Variants in SH3RF1 observed in about 807,000 individuals in gnomAD.
SH3RF1 encodes SH3 domain containing ring finger 1, also known as E3 ubiquitin-protein ligase SH3RF1.
In SH3RF1, 32 loss-of-function variants were observed where a neutral mutation model predicts 74.0. That is an observed-to-expected ratio of 0.43 (90% CI 0.33 to 0.58). The LOEUF (loss-of-function observed/expected upper bound fraction) is 0.58, where lower values mean the gene tolerates loss of function less well. Among genes scored for constraint, SH3RF1 ranks in the 20% least tolerant of loss-of-function variants. The pLI is 0.05. For missense variants in SH3RF1, 954 were observed against 1,130.9 expected (o/e 0.84, Z 2.24); for synonymous variants, 396 against 439.6 (o/e 0.90, Z 1.24).
chr4:169,111,920 C>T (rs1459780793), intron 10 of SH3RF1, among the ~76,000 whole-genome samples: 3 of 152,180 alleles, frequency 2.0e-5, no homozygotes, highest in Admixed American at 6.5e-5. Context: ...GTCTAGAGAT[C>T]CCTGAGACTT....
intron 2 of SH3RF1, among the ~76,000 whole-genome samples, chr4:169,199,945 T>G (rs928639912): frequency 6.6e-6 from 1 of 151,908 alleles, no homozygotes; most frequent in African/African-American, 2.4e-5. Context: ...GAGGCACACC[T>G]AAAACATAAA....
At chr4:169,208,774 G>C (rs996073650) in intron 2 of SH3RF1, among the ~76,000 whole-genome samples, 2 of 152,042 alleles carry the variant, frequency 1.3e-5, no homozygotes, top group African/African-American at 4.8e-5. Flanking sequence ...CCAGCTCCTG[G>C]AAAGCTACCC....
intron 2 of SH3RF1, among the ~76,000 whole-genome samples, chr4:169,188,023 C>T (rs1426044569): frequency 2.0e-5 from 3 of 151,852 alleles, no homozygotes; most frequent in Admixed American, 2.0e-4. Flanking sequence ...CAGGCACAAG[C>T]CTAGGAATGC....
At chr4:169,117,390 A>C (rs776721822) in intron 9 of SH3RF1, 133 bp downstream of exon 9, 52 of 1,322,272 alleles carry the variant, frequency 3.9e-5, no homozygotes, top group Non-Finnish European at 5.2e-5. Flanking sequence ...ACAAGGTGCC[A>C]CTGAGTAGAC....
At chr4:169,221,593 C>T (rs760416618) in intron 2 of SH3RF1, among the ~76,000 whole-genome samples, 2 of 152,072 alleles carry the variant, frequency 1.3e-5, no homozygotes, top group East Asian at 1.9e-4. Context: ...TAGGCTAAAA[C>T]GTTCTTTATG....
chr4:169,259,660 G>A (rs1731245801), intron 2 of SH3RF1, among the ~76,000 whole-genome samples: 1 of 152,122 alleles, frequency 6.6e-6, no homozygotes, highest in South Asian at 2.1e-4. Context: ...TATAATAAAA[G>A]CTTTGGGAGG....
intron 2 of SH3RF1, among the ~76,000 whole-genome samples, chr4:169,260,197 C>T (rs1050078011): frequency 1.6e-4 from 24 of 152,116 alleles, no homozygotes; most frequent in African/African-American, 5.6e-4. Flanking sequence ...GACATACTGC[C>T]CCTACTCACA....
chr4:169,116,226 G>C, intron 10 of SH3RF1, 43 bp downstream of exon 10: 1 of 1,542,004 alleles, frequency 6.5e-7, no homozygotes, highest in Non-Finnish European at 8.7e-7. Flanking sequence ...GAAAAACAGG[G>C]AAGTAAGTAA....
rs1047145769 is a variant in SH3RF1, at chr4:169,122,238, G to C, written c.1208C>G (p.Pro403Arg). ...GTLNPPLPPP[P>R]LLAATVLAST... ...GGCAAGGACAGTGGCAGCCAGGAGAGGGGGTGGTGGAAGAGGAGGATTCAA... is the reference window on the plus strand; with the variant it reads ...GGCAAGGACAGTGGCAGCCAGGAGACGGGGTGGTGGAAGAGGAGGATTCAA... Residue 403 changes from proline to arginine, a missense_variant, in exon 7 of 12, where the codon CCT (proline) becomes CGT (arginine). Coordinates refer to ENST00000284637, the MANE Select transcript of SH3RF1 (RefSeq NM_020870.4). 6.2e-6 allele frequency: 10 copies of C among 1,607,880 alleles called. No homozygotes were observed. Among genetic ancestry groups the C allele is most frequent in the Admixed American group, 3.4e-5 (2 of 58,612 alleles).
At chr4:169,197,165 C>G (rs1561050540) in intron 2 of SH3RF1, among the ~76,000 whole-genome samples, 1 of 151,986 alleles carries the variant, frequency 6.6e-6, no homozygotes, top group Non-Finnish European at 1.5e-5. Flanking sequence ...GCTACCATGT[C>G]TAATTTTTGT....
chr4:169,113,468 C>G (rs747582275), intron 10 of SH3RF1, among the ~76,000 whole-genome samples: 5 of 152,104 alleles, frequency 3.3e-5, no homozygotes, highest in Admixed American at 6.5e-5. Flanking sequence ...AATTCTAAAA[C>G]AGTATTAAAC....
chr4:169,165,161 A>C (rs1734214432), intron 2 of SH3RF1, among the ~76,000 whole-genome samples: 1 of 152,238 alleles, frequency 6.6e-6, no homozygotes, highest in South Asian at 2.1e-4. Context: ...TCAAGTTTCT[A>C]CCTATTTGAA....
Position 169,095,452 on chromosome 4 carries a change from G to A in SH3RF1, c.*1067C>T, listed in dbSNP as rs1732900281. On this transcript the variant is annotated 3_prime_UTR_variant, in exon 12 of 12. Transcript: ENST00000284637. ...CACACCATGCACAGTCTATATTACTGTGGGAATCCAGTAATACATGCAAGA... is the reference window on the plus strand; with the variant it reads ...CACACCATGCACAGTCTATATTACTATGGGAATCCAGTAATACATGCAAGA... The A allele has an allele frequency of 6.6e-6, 1 of 152,614 alleles. No individual in the cohort carries two copies. The highest frequency in any genetic ancestry group is 2.4e-5 in the African/African-American group (1 of 41,436). 9.5% of individuals were successfully genotyped at this position (152,614 alleles called of 1,614,324 possible). A position where few individuals can be genotyped will look rare whatever the true frequency, so the allele number is the denominator to read the frequency against.
chr4:169,237,068 C>A (rs1292505999), intron 2 of SH3RF1, among the ~76,000 whole-genome samples: 5 of 152,204 alleles, frequency 3.3e-5, no homozygotes, highest in Non-Finnish European at 1.5e-5. Flanking sequence ...TGCCAGCCAA[C>A]TAGAAAGAGA....
At position 169,136,378 on chromosome 4, in the gene SH3RF1, G is replaced by A. The variant is rs1337246536; in HGVS notation, c.1008C>T (p.Asn336=). 1 of 1,582,660 alleles carries A rather than the reference G, an allele frequency of 6.3e-7. No homozygotes were observed. Among genetic ancestry groups the A allele is most frequent in the Non-Finnish European group, 8.6e-7 (1 of 1,166,686 alleles). Residue 336 remains asparagine, a synonymous_variant, in exon 5 of 12, where the codon AAC becomes AAT. Transcript: ENST00000284637. ...ISPPVLISSS[N]PTAAARISEL... Reference sequence around the variant, plus strand: ...CGCTGATCCGTGCAGCAGCAGTGGGGTTGCTGGAGCTGATGAGGACAGGGG... The same window carrying A: ...CGCTGATCCGTGCAGCAGCAGTGGGATTGCTGGAGCTGATGAGGACAGGGG...
chr4:169,114,445 G>T (rs1373442295), intron 10 of SH3RF1, among the ~76,000 whole-genome samples: 1 of 152,154 alleles, frequency 6.6e-6, no homozygotes, highest in African/African-American at 2.4e-5. Flanking sequence ...AACCTGCAAG[G>T]TCCTTTTGGC....
chr4:169,185,698 T>C (rs1318787749), intron 2 of SH3RF1, among the ~76,000 whole-genome samples: 1 of 152,152 alleles, frequency 6.6e-6, no homozygotes, highest in Non-Finnish European at 1.5e-5. Flanking sequence ...CCATAGGAAC[T>C]TGAACTATGT....
chr4:169,199,626 AAAAT>A (rs1443811566), intron 2 of SH3RF1, among the ~76,000 whole-genome samples: 100 of 151,854 alleles, frequency 6.6e-4, no homozygotes, highest in African/African-American at 2.3e-3. Context: ...CAAAAAAAAA[AAAAT>A]AAATAAATAA....
chr4:169,259,972 C>T (rs1414179290), intron 2 of SH3RF1, among the ~76,000 whole-genome samples: 2 of 152,150 alleles, frequency 1.3e-5, no homozygotes, highest in African/African-American at 2.4e-5. Flanking sequence ...AGTCTTTTTA[C>T]ATATTGTCTT....
Sources: allele counts gnomAD v4.1 joint callset (sites outside exome capture counted in the v4.1 genomes callset), GRCh38; gene constraint gnomAD v4.1.1; transcripts MANE v1.5; gene names NCBI Gene and HGNC (gene_info 2026-07-23, HGNC 2026-07-21).